Variants in TRAPPC9 observed in about 807,000 individuals in gnomAD.
The protein encoded by TRAPPC9 is trafficking protein particle complex subunit 9, also known as IKK2 binding protein.
In TRAPPC9, 83 loss-of-function variants were observed where a neutral mutation model predicts 124.0. The observed-to-expected ratio is 0.67, with a 90% CI of 0.56 to 0.80. The LOEUF is 0.80. Among genes scored for constraint, TRAPPC9 ranks in the 30% least tolerant of loss-of-function variants. The probability of loss-of-function intolerance (pLI) is 0.00; values close to 1 mark genes in which losing one functional copy is unlikely to be tolerated. For synonymous variants in TRAPPC9, 638 were observed against 617.5 expected (o/e 1.03, Z -0.49); for missense variants, 1,302 against 1,508.3 (o/e 0.86, Z 2.27).
At chr8:140,026,109 C>T (rs553366169) in intron 17 of TRAPPC9, among the ~76,000 whole-genome samples, 3 of 152,292 alleles carry the variant, frequency 2.0e-5, no homozygotes, top group South Asian at 4.2e-4. Context: ...AGTACTTGTC[C>T]TTTTGTGACT....
chr8:140,438,742 G>A (rs991579652), intron 3 of TRAPPC9, among the ~76,000 whole-genome samples: 2 of 151,968 alleles, frequency 1.3e-5, no homozygotes, highest in African/African-American at 2.4e-5. Flanking sequence ...TGCCAGGCTG[G>A]AGTGCAGTTG....
At chr8:139,755,947 G>A (rs1226988183) in intron 21 of TRAPPC9, among the ~76,000 whole-genome samples, 22 of 123,160 alleles carry the variant, frequency 1.8e-4, no homozygotes, top group East Asian at 2.6e-4. Flanking sequence ...ACCGCAGGTC[G>A]CAGGAGGAGC....
intron 21 of TRAPPC9, among the ~76,000 whole-genome samples, chr8:139,826,270 G>A (rs1485430867): frequency 6.6e-6 from 1 of 152,198 alleles, no homozygotes. Flanking sequence ...AGGTGTGACT[G>A]ATCGGAGGGG....
At chr8:139,959,719 C>A (rs993188904) in intron 19 of TRAPPC9, among the ~76,000 whole-genome samples, 8 of 152,330 alleles carry the variant, frequency 5.3e-5, no homozygotes, top group African/African-American at 1.9e-4. Context: ...GCCAGGACAG[C>A]CACTAGGCCA....
chr8:139,815,522 G>A (rs1220300987), intron 21 of TRAPPC9, among the ~76,000 whole-genome samples: 2 of 152,048 alleles, frequency 1.3e-5, no homozygotes, highest in South Asian at 4.2e-4. Context: ...CAAGTGGCTG[G>A]GATTACAGAC....
At chr8:139,826,274 G>A (rs1020130824) in intron 21 of TRAPPC9, among the ~76,000 whole-genome samples, 12 of 152,222 alleles carry the variant, frequency 7.9e-5, no homozygotes, top group African/African-American at 1.2e-4. Flanking sequence ...GTGACTGATC[G>A]GAGGGGCGCT....
chr8:140,213,818 C>T (rs1189342350), intron 17 of TRAPPC9, among the ~76,000 whole-genome samples: 1 of 152,254 alleles, frequency 6.6e-6, no homozygotes, highest in Non-Finnish European at 1.5e-5. Flanking sequence ...AACTGCTTTC[C>T]AGCAAGCTAT....
In TRAPPC9 at chr8:139,748,491, G is replaced by A. The variant is rs191893014; in HGVS notation, c.3056-16289C>T. Among the ~76,000 whole-genome samples, 1,057 of 149,028 alleles carry A rather than the reference G, an allele frequency of 7.1e-3. 15 individuals are homozygous for A. Among genetic ancestry groups the A allele is most frequent in the African/African-American group, 0.025 (1,009 of 40,178 alleles). On this transcript the variant is annotated intron_variant, in intron 21 of 22. Transcript: ENST00000438773. ...GGTACACACAGCAGGTGTCAGAGCA[G>A]GTAGGGGGGGCATACAGGGGTCAGA...
intron 1 of TRAPPC9, 112 bp from the exon 2 acceptor site, chr8:140,451,495 A>G (rs1300749735): frequency 3.3e-6 from 3 of 910,650 alleles, no homozygotes; most frequent in Non-Finnish European, 5.2e-6. Context: ...GGAAGCCCCA[A>G]GGAAAGCCGT....
At chr8:140,286,909 G>A (rs1263924436) in intron 13 of TRAPPC9, among the ~76,000 whole-genome samples, 3 of 152,152 alleles carry the variant, frequency 2.0e-5, no homozygotes, top group Non-Finnish European at 4.4e-5. Flanking sequence ...CACAGGGCGA[G>A]AGATGGGGAA....
intron 9 of TRAPPC9, among the ~76,000 whole-genome samples, chr8:140,326,157 C>T (rs1160569100): frequency 4.0e-5 from 6 of 149,684 alleles, no homozygotes; most frequent in East Asian, 2.0e-4. Flanking sequence ...GAGGCCGAGG[C>T]GGGCGGATCA....
At chr8:139,731,931 G>T in intron 22 of TRAPPC9, 48 bp downstream of exon 22, 2 of 1,523,288 alleles carry the variant, frequency 1.3e-6, no homozygotes, top group South Asian at 2.4e-5. Context: ...GGGGGATGAT[G>T]ACCACATGGC....
intron 7 of TRAPPC9, among the ~76,000 whole-genome samples, chr8:140,391,301 G>T (rs1338391059): frequency 6.6e-6 from 1 of 152,222 alleles, no homozygotes; most frequent in Non-Finnish European, 1.5e-5. Context: ...GATTCAATGA[G>T]AGTTGATCCT....
At chr8:140,297,623 C>G (rs370664066) in intron 11 of TRAPPC9, among the ~76,000 whole-genome samples, 12 of 152,354 alleles carry the variant, frequency 7.9e-5, no homozygotes, top group African/African-American at 2.9e-4. Context: ...AAAGCCCACA[C>G]GGCTCCTCAG....
At chr8:140,363,510 G>A (rs932446787) in intron 8 of TRAPPC9, among the ~76,000 whole-genome samples, 1 of 152,040 alleles carries the variant, frequency 6.6e-6, no homozygotes, top group African/African-American at 2.4e-5. Flanking sequence ...ACAGCCAGCT[G>A]ACATTTATCA....
At chr8:140,272,116 A>AATGGTGATAGTGATTATGGTGGTGGCG (rs138421200) in intron 15 of TRAPPC9, among the ~76,000 whole-genome samples, 9 of 120,228 alleles carry the variant, frequency 7.5e-5, no homozygotes, top group African/African-American at 2.9e-4. Context: ...TGGTGGTGGC[A>AATGGTGATAGTGATTATGGTGGTGGCG]ATGGTGATGG....
intron 21 of TRAPPC9, among the ~76,000 whole-genome samples, chr8:139,822,919 G>C (rs1218403282): frequency 6.6e-6 from 1 of 151,966 alleles, no homozygotes; most frequent in African/African-American, 2.4e-5. Flanking sequence ...CAAGGTGCCA[G>C]GAGGGTGGAT....
At chr8:139,819,713 C>A (rs1373198153) in intron 21 of TRAPPC9, among the ~76,000 whole-genome samples, 1 of 152,050 alleles carries the variant, frequency 6.6e-6, no homozygotes, top group Non-Finnish European at 1.5e-5. Flanking sequence ...AGAGCTCACA[C>A]CAAGAAATCT....
chr8:140,107,963 G>C (rs1237927545), intron 17 of TRAPPC9, among the ~76,000 whole-genome samples: 1 of 151,550 alleles, frequency 6.6e-6, no homozygotes, highest in Non-Finnish European at 1.5e-5. Context: ...TGTGGTGGGG[G>C]TGGGGTGTAG....
Sources: gnomAD v4.1 joint callset for allele counts (sites outside exome capture counted in the v4.1 genomes callset) on GRCh38, gnomAD v4.1.1 for gene constraint, MANE v1.5 for transcripts, NCBI Gene and HGNC (gene_info 2026-07-23, HGNC 2026-07-21) for gene names.